Variants in ANO1 observed in about 807,000 individuals in gnomAD.
The protein encoded by ANO1 is anoctamin 1.
A neutral mutation model predicts 124.0 loss-of-function variants in ANO1; 59 were observed. That is an observed-to-expected ratio of 0.48 (90% CI 0.39 to 0.59). The LOEUF (loss-of-function observed/expected upper bound fraction) is 0.59. Among genes scored for constraint, ANO1 ranks in the 20% least tolerant of loss-of-function variants. ANO1 has a pLI of 0.00. For missense variants in ANO1, 1,059 were observed against 1,328.0 expected, an observed-to-expected ratio of 0.80 and a Z score of 3.15; for synonymous variants, 529 against 532.0, an observed-to-expected ratio of 0.99 and a Z score of 0.08.
intron 1 of ANO1, among the ~76,000 whole-genome samples, chr11:70,009,201 G>C (rs925012587): frequency 9.2e-5 from 14 of 152,148 alleles, no homozygotes; most frequent in East Asian, 1.9e-4. Context: ...ACAGTGGAGT[G>C]GTCTCTCCCT....
intron 24 of ANO1, 49 bp from the exon 25 acceptor site, chr11:70,185,541 C>A: frequency 6.4e-7 from 1 of 1,562,684 alleles, no homozygotes; most frequent in South Asian, 1.1e-5. Context: ...CAGCCAGAGC[C>A]TGAGCCCCAC....
At chr11:70,017,064 T>G (rs1488749669) in intron 1 of ANO1, among the ~76,000 whole-genome samples, 1 of 152,226 alleles carries the variant, frequency 6.6e-6, no homozygotes, top group Non-Finnish European at 1.5e-5. Context: ...ACTGCCCACT[T>G]CCTTAGAAAG....
chr11:70,116,026 C>G (rs1292506779), intron 7 of ANO1, among the ~76,000 whole-genome samples: 1 of 152,230 alleles, frequency 6.6e-6, no homozygotes, highest in African/African-American at 2.4e-5. Context: ...TTGTCATTTA[C>G]TGTCCCTCTT....
chr11:70,091,278 C>A (rs2044615859), intron 2 of ANO1, among the ~76,000 whole-genome samples: 2 of 152,162 alleles, frequency 1.3e-5, no homozygotes, highest in African/African-American at 4.8e-5. Flanking sequence ...AGTCCAGTTG[C>A]ACAATCTTAC....
At chr11:70,020,587 C>T (rs1182735448) in intron 1 of ANO1, among the ~76,000 whole-genome samples, 1 of 152,166 alleles carries the variant, frequency 6.6e-6, no homozygotes, top group Non-Finnish European at 1.5e-5. Context: ...GGTATTTGTC[C>T]CCACCTCCCT....
At chr11:70,068,749 C>G (rs1377801385) in intron 1 of ANO1, among the ~76,000 whole-genome samples, 1 of 152,198 alleles carries the variant, frequency 6.6e-6, no homozygotes, top group Non-Finnish European at 1.5e-5. Flanking sequence ...CCCTAGCCCA[C>G]TCCTCCAACT....
At chr11:70,137,418 C>A (rs10793010) in intron 11 of ANO1, among the ~76,000 whole-genome samples, 4 of 119,080 alleles carry the variant, frequency 3.4e-5, no homozygotes, top group Admixed American at 1.0e-4. Context: ...AAACCCCCCA[C>A]CCCCCCACCC....
chr11:70,011,221 G>A (rs2120354717), intron 1 of ANO1, among the ~76,000 whole-genome samples: 1 of 152,308 alleles, frequency 6.6e-6, no homozygotes, highest in South Asian at 2.1e-4. Context: ...TCGGGGAGTG[G>A]AGAGCAGGGT....
chr11:70,187,912 G>C lies in ANO1; in HGVS notation c.2869G>C (p.Glu957Gln), dbSNP rs375579993. 1 of 1,588,708 alleles carries C rather than the reference G, an allele frequency of 6.3e-7. No individual in the cohort carries two copies. Among genetic ancestry groups the C allele is most frequent in the African/African-American group, 1.3e-5 (1 of 74,586 alleles). Reference protein sequence around the residue: ...TWMEKERQKDEPPCNHHNTKA... With the variant: ...TWMEKERQKDQPPCNHHNTKA... ...GATGGAGAAGGAGCGGCAGAAGGACGAGCCGCCGTGCAACCACCACAACAC... is the reference window on the plus strand; with the variant it reads ...GATGGAGAAGGAGCGGCAGAAGGACCAGCCGCCGTGCAACCACCACAACAC... The change falls in exon 26 of 26, where the codon GAG becomes CAG. Residue 957 changes from glutamate (E) to glutamine (Q), a missense_variant. By Grantham distance (29) the Glu-to-Gln change is conservative. Coordinates refer to ENST00000355303, the MANE Select transcript of ANO1 (RefSeq NM_018043.7).
At chr11:70,110,821 A>G (rs111857965) in intron 6 of ANO1, among the ~76,000 whole-genome samples, 3,534 of 152,278 alleles carry the variant, frequency 0.023, 63 homozygotes, top group Non-Finnish European at 0.029. Flanking sequence ...TTGGAGCAAG[A>G]TCTGATTTCC....
intron 21 of ANO1, chr11:70,170,303 G>T: frequency 2.8e-6 from 1 of 359,252 alleles, no homozygotes; most frequent in South Asian, 2.0e-5. Context: ...TTTTGGCGAT[G>T]ATTTTTTAAA....
chr11:70,123,365 G>C (rs181356849), intron 8 of ANO1, among the ~76,000 whole-genome samples: 4 of 152,298 alleles, frequency 2.6e-5, no homozygotes, highest in Non-Finnish European at 5.9e-5. Flanking sequence ...GTTTGTCAGT[G>C]GGGGGTCTCT....
chr11:70,147,742 T>G (rs950638667), intron 11 of ANO1, among the ~76,000 whole-genome samples: 7 of 152,186 alleles, frequency 4.6e-5, no homozygotes, highest in Non-Finnish European at 8.8e-5. Context: ...GGGAAGCCCT[T>G]CCTCCGTGAT....
At chr11:70,086,950 C>T (rs2044411670) in intron 1 of ANO1, among the ~76,000 whole-genome samples, 1 of 152,246 alleles carries the variant, frequency 6.6e-6, no homozygotes, top group Admixed American at 6.5e-5. Context: ...TAGTTAGTGG[C>T]CCTGTGGCCA....
chr11:70,163,435 G>C, intron 19 of ANO1, 95 bp downstream of exon 19: 1 of 1,435,962 alleles, frequency 7.0e-7, no homozygotes, highest in African/African-American at 1.4e-5. Flanking sequence ...CAGCACATTT[G>C]TTCAGCAAAG....
intron 22 of ANO1, among the ~76,000 whole-genome samples, chr11:70,171,721 C>T (rs958480338): frequency 2.0e-5 from 3 of 152,198 alleles, no homozygotes; most frequent in African/African-American, 2.4e-5. Flanking sequence ...AATCCCAGTG[C>T]TTTGGGAGGC....
intron 1 of ANO1, among the ~76,000 whole-genome samples, chr11:69,999,971 G>A (rs12291692): frequency 0.085 from 12,903 of 152,092 alleles, 739 homozygotes; most frequent in African/African-American, 0.16. Flanking sequence ...TTCAGAGCAC[G>A]GCCCATACTG....
intron 2 of ANO1, among the ~76,000 whole-genome samples, chr11:70,095,163 G>C (rs1483318223): frequency 6.7e-6 from 1 of 150,274 alleles, no homozygotes; most frequent in African/African-American, 2.5e-5. Flanking sequence ...CCAAGATCGC[G>C]CCACCACACT....
intron 11 of ANO1, among the ~76,000 whole-genome samples, chr11:70,140,022 C>G (rs533490701): frequency 3.4e-4 from 52 of 152,314 alleles, no homozygotes; most frequent in African/African-American, 1.3e-3. Context: ...GCGCTGAGGA[C>G]TGCCTCCGTG....
Sources: allele counts gnomAD v4.1 joint callset (sites outside exome capture counted in the v4.1 genomes callset), GRCh38; gene constraint gnomAD v4.1.1; transcripts MANE v1.5; gene names NCBI Gene and HGNC (gene_info 2026-07-23, HGNC 2026-07-21).